Variants in DSC3 observed in about 807,000 individuals in gnomAD.
DSC3 encodes the protein desmocollin 3, also known as desmocollin-3.
A neutral mutation model predicts 89.5 loss-of-function variants in DSC3; 97 were observed. The observed-to-expected ratio is 1.08, with a 90% CI of 0.92 to 1.28. DSC3 has a LOEUF of 1.28. Ranked by LOEUF, DSC3 falls within the 50% of genes most tolerant of loss-of-function variation. The pLI, the probability that DSC3 is intolerant of heterozygous loss-of-function variation, is 0.00. For missense variants in DSC3, 1,199 were observed against 1,085.3 expected (o/e 1.10, Z -1.47); for synonymous variants, 436 against 384.1 (o/e 1.14, Z -1.58).
intron 4 of DSC3, among the ~76,000 whole-genome samples, 160 bp from the exon 5 acceptor site, chr18:31,026,075 G>T (rs1222336773): frequency 6.6e-6 from 1 of 152,058 alleles, no homozygotes. Context: ...AAGGCAAACA[G>T]GGATTCTCAC....
intron 3 of DSC3, among the ~76,000 whole-genome samples, chr18:31,030,672 G>A (rs564889888): frequency 6.6e-6 from 1 of 151,898 alleles, no homozygotes; most frequent in Non-Finnish European, 1.5e-5. Flanking sequence ...GACAAAAATA[G>A]AGTGAGAGGT....
chr18:31,024,829 T>A (rs276922), intron 5 of DSC3, among the ~76,000 whole-genome samples: 2 of 151,860 alleles, frequency 1.3e-5, no homozygotes, highest in Non-Finnish European at 2.9e-5. Flanking sequence ...TTAAACTCAC[T>A]GCAATAGGAA....
At chr18:31,041,201 C>T (rs1447339637) in intron 1 of DSC3, among the ~76,000 whole-genome samples, 1 of 152,128 alleles carries the variant, frequency 6.6e-6, no homozygotes, top group South Asian at 2.1e-4. Context: ...AGTTTCGTTC[C>T]CCATCCTCAA....
intron 1 of DSC3, among the ~76,000 whole-genome samples, chr18:31,041,921 A>C (rs1986145469): frequency 6.6e-6 from 1 of 151,420 alleles, no homozygotes. Flanking sequence ...CATCCCCAAA[A>C]CACAACACGA....
At chr18:31,038,865 T>C (rs1986049856) in intron 1 of DSC3, among the ~76,000 whole-genome samples, 1 of 152,060 alleles carries the variant, frequency 6.6e-6, no homozygotes, top group African/African-American at 2.4e-5. Context: ...TTAGAAAGAA[T>C]GTACAGTTAA....
Position 31,016,294 on chromosome 18 carries a change from T to A in DSC3, c.1263+1777A>T, listed in dbSNP as rs943349867. 2.0e-5 allele frequency among the ~76,000 whole-genome samples: 3 copies of A among 152,344 alleles called. No individual in the cohort carries two copies. In the East Asian group the frequency reaches 5.8e-4, roughly 29 times the overall value. The stretch of plus-strand genomic sequence containing the variant: ...CACCATTTTCCTTTGTCTGTTGCTC[T>A]AATAAGCTTGCTTTGCTTTCACTTT... On this transcript the variant is annotated intron_variant, in intron 9 of 15. Coordinates refer to ENST00000360428, the MANE Select transcript of DSC3 (RefSeq NM_001941.5).
At chr18:31,030,840 G>A (rs771762046) in intron 3 of DSC3, 133 bp downstream of exon 3, 49 of 815,070 alleles carry the variant, frequency 6.0e-5, no homozygotes, top group African/African-American at 1.7e-4. Context: ...AAATGGAAAC[G>A]AAGTGAAAGG....
At chr18:31,013,772 G>C (rs1221985802) in intron 9 of DSC3, among the ~76,000 whole-genome samples, 1 of 151,898 alleles carries the variant, frequency 6.6e-6, no homozygotes, top group East Asian at 1.9e-4. Flanking sequence ...TTTTACAACA[G>C]GCATGTGTGT....
intron 3 of DSC3, 27 bp from the exon 4 acceptor site, chr18:31,029,655 G>A (rs1225319456): frequency 1.2e-6 from 2 of 1,613,018 alleles, no homozygotes; most frequent in Admixed American, 3.3e-5. Context: ...ACAAATACAT[G>A]AATAAACAAA....
intron 3 of DSC3, among the ~76,000 whole-genome samples, chr18:31,030,660 G>T (rs1271941915): frequency 6.6e-6 from 1 of 151,684 alleles, no homozygotes; most frequent in South Asian, 2.1e-4. Flanking sequence ...GAGAGAGGGA[G>T]AGACAAAAAT....
At chr18:31,002,967 G>T (rs1984717066) in intron 13 of DSC3, among the ~76,000 whole-genome samples, 1 of 152,014 alleles carries the variant, frequency 6.6e-6, no homozygotes, top group Admixed American at 6.6e-5. Context: ...TACCTTTCTG[G>T]CTCCATTTCC....
chr18:31,011,952 T>C (rs1598537619), intron 9 of DSC3, among the ~76,000 whole-genome samples: 1 of 54,312 alleles, frequency 1.8e-5, no homozygotes, highest in Non-Finnish European at 3.5e-5. Flanking sequence ...AAAAAGTACT[T>C]AAAAGTACTC....
chr18:31,040,553 T>C (rs571396418), intron 1 of DSC3, among the ~76,000 whole-genome samples: 42 of 152,270 alleles, frequency 2.8e-4, no homozygotes, highest in Non-Finnish European at 4.7e-4. Context: ...CTTCAGAGTG[T>C]GGTGGGGCAC....
chr18:31,024,949 A>G (rs1598546845), intron 5 of DSC3, among the ~76,000 whole-genome samples: 1 of 152,150 alleles, frequency 6.6e-6, no homozygotes, highest in South Asian at 2.1e-4. Flanking sequence ...TTTTCTGACA[A>G]AATACATGTA....
intron 1 of DSC3, 45 bp from the exon 2 acceptor site, chr18:31,032,321 A>T (rs776009844): frequency 2.0e-5 from 28 of 1,404,146 alleles, no homozygotes; most frequent in Non-Finnish European, 2.7e-5. Flanking sequence ...AATAAAGATT[A>T]AAAAAAACAT....
At chr18:31,029,944 A>G (rs1985726024) in intron 3 of DSC3, among the ~76,000 whole-genome samples, 1 of 152,202 alleles carries the variant, frequency 6.6e-6, no homozygotes, top group South Asian at 2.1e-4. Context: ...GACATAGAAC[A>G]TATTCTGTCT....
At chr18:31,018,884 T>A in intron 7 of DSC3, 84 bp from the exon 8 acceptor site, 1 of 1,223,270 alleles carries the variant, frequency 8.2e-7, no homozygotes, top group Non-Finnish European at 1.2e-6. Context: ...ACTCACTCAC[T>A]CACATACACA....
intron 1 of DSC3, among the ~76,000 whole-genome samples, chr18:31,038,613 C>T (rs1431773554): frequency 6.6e-6 from 1 of 151,980 alleles, no homozygotes; most frequent in Non-Finnish European, 1.5e-5. Flanking sequence ...TGTCTATACT[C>T]AAGAGGTTTA....
intron 9 of DSC3, among the ~76,000 whole-genome samples, chr18:31,010,573 A>C (rs910401544): frequency 2.0e-5 from 3 of 152,224 alleles, no homozygotes; most frequent in African/African-American, 4.8e-5. Context: ...CTCATTAATT[A>C]ATAGGAAAGC....
Sources: gnomAD v4.1 joint callset for allele counts (sites outside exome capture counted in the v4.1 genomes callset) on GRCh38, gnomAD v4.1.1 for gene constraint, MANE v1.5 for transcripts, NCBI Gene and HGNC (gene_info 2026-07-23, HGNC 2026-07-21) for gene names.